ITPK1: variants seen among roughly 807,000 people sequenced by gnomAD.
ITPK1 encodes the protein inositol 1,3,4-trisphosphate 5/6-kinase.
In ITPK1, 21 loss-of-function variants were observed where a neutral mutation model predicts 45.3. The observed-to-expected ratio is 0.46, with a 90% CI of 0.33 to 0.67. The LOEUF is 0.67. Among genes scored for constraint, ITPK1 ranks in the 30% least tolerant of loss-of-function variants. The probability of loss-of-function intolerance (pLI) is 0.02; values close to 1 mark genes in which losing one functional copy is unlikely to be tolerated. For synonymous variants in ITPK1, 258 were observed against 253.6 expected (o/e 1.02, Z -0.16); for missense variants, 474 against 573.5 (o/e 0.83, Z 1.77).
chr14:93,046,363 C>T (rs1351799045), intron 3 of ITPK1, among the ~76,000 whole-genome samples: 1 of 152,224 alleles, frequency 6.6e-6, no homozygotes, highest in Non-Finnish European at 1.5e-5. Context: ...GTGGGGACAG[C>T]AGGGTCTGCA....
chr14:92,955,782 T>A (rs901447989), intron 8 of ITPK1, among the ~76,000 whole-genome samples: 2 of 152,126 alleles, frequency 1.3e-5, no homozygotes, highest in African/African-American at 4.8e-5. Flanking sequence ...GGAACCCCCA[T>A]CCCTGCGTGG....
At position 93,032,486 on chromosome 14, in the gene ITPK1, C is replaced by T. The variant is rs1350219363; in HGVS notation, c.121-15685G>A. On this transcript the variant is annotated intron_variant, in intron 3 of 10. Transcript: ENST00000267615. The surrounding 1 kb of genome is among the most constrained non-coding windows in gnomAD (Gnocchi z 4.0). ...CAGCAGCAGAAGCTTTCCTGCAGGACTTCTCAGATACTTTAATATGTTCAC... is the reference window on the plus strand; with the variant it reads ...CAGCAGCAGAAGCTTTCCTGCAGGATTTCTCAGATACTTTAATATGTTCAC... 1.3e-5 allele frequency among the ~76,000 whole-genome samples: 2 copies of T among 152,318 alleles called. 1 individual carries two copies. The highest frequency in any genetic ancestry group is 4.1e-4 in the South Asian group (2 of 4,834).
At chr14:93,041,030 CAG>C (rs1889540137) in intron 3 of ITPK1, among the ~76,000 whole-genome samples, 1 of 152,204 alleles carries the variant, frequency 6.6e-6, no homozygotes, top group Non-Finnish European at 1.5e-5. Flanking sequence ...CCCATCAATA[CAG>C]AGTGTGGGGG....
chr14:93,107,702 G>A (rs1014321667), intron 2 of ITPK1, among the ~76,000 whole-genome samples: 12 of 152,154 alleles, frequency 7.9e-5, no homozygotes, highest in Admixed American at 2.6e-4. Flanking sequence ...GATTCTTGAC[G>A]CTCCACGGCT....
At chr14:93,077,788 T>A (rs1280639005) in intron 2 of ITPK1, among the ~76,000 whole-genome samples, 3 of 152,172 alleles carry the variant, frequency 2.0e-5, no homozygotes, top group Non-Finnish European at 4.4e-5. Flanking sequence ...AACTTAAGGC[T>A]ACCACTGTCT....
At chr14:92,994,058 C>A (rs1886926499) in intron 4 of ITPK1, 61 bp from the exon 5 acceptor site, 6 of 1,045,908 alleles carry the variant, frequency 5.7e-6, no homozygotes, top group African/African-American at 1.6e-5. Flanking sequence ...CAACTCACCC[C>A]TCGCGCCCTC....
chr14:92,947,286 T>A (rs952581965), intron 9 of ITPK1, among the ~76,000 whole-genome samples: 29 of 152,240 alleles, frequency 1.9e-4, no homozygotes, highest in Admixed American at 1.8e-3. Context: ...AGCTCAGCTT[T>A]CCTCAAGGTT....
At chr14:93,072,060 G>C (rs552372853) in intron 3 of ITPK1, 3 of 151,404 alleles carry the variant, frequency 2.0e-5, no homozygotes, top group Admixed American at 6.6e-5. Context: ...TTGGGAGGCC[G>C]AGGTGGGCAG....
chr14:93,105,984 C>T (rs985498317), intron 2 of ITPK1, among the ~76,000 whole-genome samples: 1 of 152,166 alleles, frequency 6.6e-6, no homozygotes, highest in South Asian at 2.1e-4. Context: ...GGATTATAGG[C>T]GTGAGCCACC....
At chr14:93,057,674 C>T (rs146932997) in intron 3 of ITPK1, among the ~76,000 whole-genome samples, 1,702 of 152,308 alleles carry the variant, frequency 0.011, 18 homozygotes, top group South Asian at 0.019. Context: ...AAGCAGAGCC[C>T]GGCCGAGGCC....
At chr14:93,045,760 A>G (rs898169242) in intron 3 of ITPK1, among the ~76,000 whole-genome samples, 4 of 152,044 alleles carry the variant, frequency 2.6e-5, no homozygotes, top group Non-Finnish European at 4.4e-5. Flanking sequence ...TCTAATTCAG[A>G]CTTTTTTTTT....
chr14:93,000,974 T>TTA (rs1887316418), intron 4 of ITPK1, among the ~76,000 whole-genome samples: 1 of 81,916 alleles, frequency 1.2e-5, no homozygotes, highest in East Asian at 3.3e-4. Context: ...AGACTCCAAC[T>TTA]AAAAAAAAAA....
At position 93,072,314 on chromosome 14, in the gene ITPK1, A is replaced by AC. The variant is rs1468008048; in HGVS notation, c.120+4280_120+4281insG. ...CGAGACTCCATCTCAAAAAAAAAAA[A>AC]AATTAAATAAGTAAAATTTAATAAA... On this transcript the variant is annotated intron_variant, in intron 3 of 10. Transcript: ENST00000267615. 2.0e-5 allele frequency among the ~76,000 whole-genome samples: 3 copies of AC among 151,716 alleles called. No individual in the cohort carries two copies. The East Asian group carries it at 5.8e-4, about 29-fold the overall frequency.
In ITPK1 at chr14:92,958,079, C is replaced by T; in HGVS notation, c.670+122G>A. 1.1e-6 allele frequency: 1 copy of T among 909,076 alleles called. No homozygotes were observed. Among genetic ancestry groups the T allele is most frequent in the Admixed American group, 2.0e-5 (1 of 49,376 alleles). The allele number at this position is 909,076 out of a possible 1,614,324, so 56.3% of individuals were successfully genotyped here. A position where few individuals can be genotyped will look rare whatever the true frequency, so the allele number is the denominator to read the frequency against. On this transcript the variant is annotated intron_variant, in intron 8 of 10. Coordinates refer to ENST00000267615, the MANE Select transcript of ITPK1 (RefSeq NM_014216.6). The surrounding 1 kb of genome is among the most constrained non-coding windows in gnomAD (Gnocchi z 4.4). ...CACAACTGTTTCCACCTTTAGAGCA[C>T]CTCTCCATCCCACCAAGAACACAGG...
intron 9 of ITPK1, among the ~76,000 whole-genome samples, chr14:92,949,393 C>A (rs1265702793): frequency 2.0e-5 from 3 of 152,264 alleles, no homozygotes; most frequent in Non-Finnish European, 4.4e-5. Context: ...AGCCACCGCG[C>A]CCAGCCACTT....
intron 2 of ITPK1, among the ~76,000 whole-genome samples, chr14:93,092,175 C>G (rs960610446): frequency 6.6e-6 from 1 of 152,190 alleles, no homozygotes; most frequent in Admixed American, 6.5e-5. Flanking sequence ...CCACGCTAAG[C>G]CCAGCATGGG....
Position 92,964,173 on chromosome 14 carries a change from T to C in ITPK1, c.365-1324A>G, listed in dbSNP as rs576985863. ...AGTCTAAACTCCAAACAGAAAGATT[T>C]GGGGGGTTGCAGTTTCTCTGGGGCA... On this transcript the variant is annotated intron_variant, in intron 5 of 10. Coordinates refer to ENST00000267615, the MANE Select transcript of ITPK1 (RefSeq NM_014216.6). 3.3e-5 allele frequency among the ~76,000 whole-genome samples: 5 copies of C among 152,232 alleles called. No homozygotes were observed. The East Asian group carries it at 7.7e-4, about 24-fold the overall frequency.
chr14:93,009,831 C>T, intron 4 of ITPK1, among the ~76,000 whole-genome samples: 1 of 152,160 alleles, frequency 6.6e-6, no homozygotes, highest in Non-Finnish European at 1.5e-5. Context: ...GCCAAGGTGG[C>T]CCTGAAATCA....
chr14:93,062,214 C>T (rs1235058201), intron 3 of ITPK1, among the ~76,000 whole-genome samples: 4 of 152,050 alleles, frequency 2.6e-5, no homozygotes, highest in East Asian at 1.9e-4. Flanking sequence ...GAGGTTGCAG[C>T]GAGCCAAGAT....
Sources: gnomAD v4.1 joint callset for allele counts (sites outside exome capture counted in the v4.1 genomes callset) on GRCh38, gnomAD v4.1.1 for gene constraint, Gnocchi (gnomAD v3.1) non-coding constraint, MANE v1.5 for transcripts, NCBI Gene and HGNC (gene_info 2026-07-23, HGNC 2026-07-21) for gene names.